Variants in SLIT1 observed in about 807,000 individuals in gnomAD.
SLIT1 encodes the protein slit guidance ligand 1.
Under a neutral mutation model 186.1 loss-of-function variants are expected in SLIT1, and 66 were observed. The ratio of observed to expected loss-of-function variants is 0.35; its 90% CI spans 0.29 to 0.44. The LOEUF (loss-of-function observed/expected upper bound fraction) is 0.44. Among genes scored for constraint, SLIT1 ranks in the 20% least tolerant of loss-of-function variants. The pLI is 1.00. For missense variants in SLIT1, 1,638 were observed against 2,037.4 expected, an observed-to-expected ratio of 0.80 and a Z score of 3.77; for synonymous variants, 761 against 833.8, an observed-to-expected ratio of 0.91 and a Z score of 1.50.
chr10:97,150,760 T>A (rs188141236), intron 4 of SLIT1, among the ~76,000 whole-genome samples: 1 of 152,098 alleles, frequency 6.6e-6, no homozygotes, highest in Non-Finnish European at 1.5e-5. Flanking sequence ...CTCCCCAGAT[T>A]GGAGGCCAAG....
intron 4 of SLIT1, among the ~76,000 whole-genome samples, chr10:97,084,228 T>C (rs933998243): frequency 1.9e-4 from 29 of 152,200 alleles, no homozygotes; most frequent in Middle Eastern, 3.4e-3. Context: ...CTAGAAGGGG[T>C]GGAAATTTTC....
At chr10:97,098,307 C>G (rs1451836803) in intron 4 of SLIT1, among the ~76,000 whole-genome samples, 1 of 152,206 alleles carries the variant, frequency 6.6e-6, no homozygotes, top group Non-Finnish European at 1.5e-5. Context: ...AGTCCTACTG[C>G]TGCTCCCAAC....
chr10:97,036,001 A>T (rs1848635196), intron 22 of SLIT1, among the ~76,000 whole-genome samples: 1 of 151,922 alleles, frequency 6.6e-6, no homozygotes, highest in Non-Finnish European at 1.5e-5. Context: ...CTTATCACCC[A>T]CACGACTTTA....
At position 97,100,589 on chromosome 10, in the gene SLIT1, C is replaced by T. The variant is rs554888360; in HGVS notation, c.414-34503G>A. ...AGGCAGAGGCTGCAGTGAGCCAAGT[C>T]GCATCACTGCACTACAGCCTGGGCA... On this transcript the variant is annotated intron_variant, in intron 4 of 36. Transcript: ENST00000266058. Among the ~76,000 whole-genome samples, 4 of 151,410 alleles carry T rather than the reference C, an allele frequency of 2.6e-5. No individual in the cohort carries two copies. In the East Asian group the frequency reaches 7.8e-4, roughly 29 times the overall value.
chr10:97,062,638 C>T (rs1323048304), intron 8 of SLIT1, among the ~76,000 whole-genome samples: 3 of 152,196 alleles, frequency 2.0e-5, no homozygotes, highest in Non-Finnish European at 4.4e-5. Flanking sequence ...AGCAGGGGAG[C>T]AGCCTGTGAG....
At chr10:97,178,217 C>A in intron 1 of SLIT1, among the ~76,000 whole-genome samples, 1 of 152,168 alleles carries the variant, frequency 6.6e-6, no homozygotes, top group East Asian at 1.9e-4. Flanking sequence ...AGCAGAGAAG[C>A]CTGGCAGACA....
Position 97,004,538 on chromosome 10 carries a change from C to A in SLIT1, c.3710+155G>T, listed in dbSNP as rs992542366. On this transcript the variant is annotated intron_variant, in intron 33 of 36. Coordinates refer to ENST00000266058, the MANE Select transcript of SLIT1 (RefSeq NM_003061.3). The surrounding 1 kb of genome is among the most constrained non-coding windows in gnomAD (Gnocchi z 5.1). Reference sequence around the variant, plus strand: ...GCACAGGCCTCAGAGACCTCAGCCCCAAGCTGGGGCTAACCCAGATGGTTC... The same window carrying A: ...GCACAGGCCTCAGAGACCTCAGCCCAAAGCTGGGGCTAACCCAGATGGTTC... Among the ~76,000 whole-genome samples, 7 of 152,128 alleles carry A rather than the reference C, an allele frequency of 4.6e-5. No homozygotes were observed. Among genetic ancestry groups the A allele is most frequent in the African/African-American group, 1.7e-4 (7 of 41,428 alleles).
intron 35 of SLIT1, 63 bp downstream of exon 35, chr10:97,002,641 C>A: frequency 7.1e-7 from 1 of 1,406,348 alleles, no homozygotes; most frequent in Non-Finnish European, 9.6e-7. Flanking sequence ...TGTGAGGCAG[C>A]CCTTCCCATG....
chr10:97,143,276 A>T (rs760940453), intron 4 of SLIT1, among the ~76,000 whole-genome samples: 1 of 152,240 alleles, frequency 6.6e-6, no homozygotes, highest in Non-Finnish European at 1.5e-5. Context: ...TGGGGTATAC[A>T]TATAATGGCA....
At chr10:97,049,637 T>A (rs117976748) in intron 13 of SLIT1, among the ~76,000 whole-genome samples, 1 of 152,132 alleles carries the variant, frequency 6.6e-6, no homozygotes, top group East Asian at 1.9e-4. Flanking sequence ...CTGTCTCCTA[T>A]AGAGAGGGAT....
intron 4 of SLIT1, among the ~76,000 whole-genome samples, chr10:97,113,187 A>G (rs1021919600): frequency 1.3e-5 from 2 of 152,210 alleles, no homozygotes; most frequent in African/African-American, 4.8e-5. Flanking sequence ...GCCTCTTGCA[A>G]CGTCAAAGGA....
chr10:97,009,385 G>C (rs1848392127), intron 31 of SLIT1, among the ~76,000 whole-genome samples: 1 of 152,106 alleles, frequency 6.6e-6, no homozygotes, highest in Non-Finnish European at 1.5e-5. Flanking sequence ...CCATTCAATT[G>C]GAAAGAATTA....
chr10:97,103,991 T>C (rs975613934), intron 4 of SLIT1, among the ~76,000 whole-genome samples: 5 of 152,190 alleles, frequency 3.3e-5, no homozygotes, highest in Non-Finnish European at 4.4e-5. Context: ...GTGCATCAGG[T>C]GGCCTTGTTC....
Position 97,049,117 on chromosome 10 carries a change from G to A in SLIT1, c.1303C>T (p.His435Tyr). The A allele has an allele frequency of 6.2e-7, 1 of 1,612,404 alleles. No homozygotes were observed. Residue 435 changes from histidine (H) to tyrosine (Y), a missense_variant and splice_region_variant, in exon 14 of 37, where the codon CAC becomes TAC. Physicochemically the swap from His to Tyr is moderately conservative, Grantham distance 83. Around this residue, in one of 3 missense-constraint regions of SLIT1, gnomAD observed 1,245 missense variants for 1,535.3 expected, o/e 0.81. Transcript: ENST00000266058. ...FTSLRAIQTL[H>Y]LAQNPFICDC... is the part of the protein sequence containing the mutation. ...CAAATGAAAGGGTTCTGCGCCAGGTGCCTGTCCAAAGCAGGCAGATCAGCT... is the reference window on the plus strand; with the variant it reads ...CAAATGAAAGGGTTCTGCGCCAGGTACCTGTCCAAAGCAGGCAGATCAGCT...
intron 1 of SLIT1, among the ~76,000 whole-genome samples, chr10:97,173,960 G>C (rs1850224359): frequency 6.6e-6 from 1 of 152,180 alleles, no homozygotes; most frequent in Non-Finnish European, 1.5e-5. Context: ...CAGCAGCAGG[G>C]CTTCCACTCT....
At chr10:97,030,623 C>T in intron 25 of SLIT1, 134 bp downstream of exon 25, 2 of 703,584 alleles carry the variant, frequency 2.8e-6, no homozygotes, top group Non-Finnish European at 2.6e-6. Flanking sequence ...CCAGAAGGTG[C>T]ACGTGGGAAG....
intron 4 of SLIT1, among the ~76,000 whole-genome samples, chr10:97,081,421 C>T (rs889358322): frequency 4.6e-5 from 7 of 152,206 alleles, no homozygotes; most frequent in African/African-American, 1.4e-4. Flanking sequence ...CACTGGGTCC[C>T]TGGGGCATTT....
Position 97,184,018 on chromosome 10 carries a change from CCACACACACACACACACACACA to C in SLIT1, c.197+1438_197+1459del, listed in dbSNP as rs36000443. 7.0e-6 allele frequency among the ~76,000 whole-genome samples: 1 copy of C among 142,476 alleles called. No individual in the cohort carries two copies. Among genetic ancestry groups the C allele is most frequent in the Non-Finnish European group, 1.5e-5 (1 of 65,686 alleles). 93.5% of individuals were successfully genotyped at this position (142,476 alleles called of 152,430 possible). A position where few individuals can be genotyped will look rare whatever the true frequency, so the allele number is the denominator to read the frequency against. On this transcript the variant is annotated intron_variant, in intron 1 of 36. Coordinates refer to ENST00000266058, the MANE Select transcript of SLIT1 (RefSeq NM_003061.3). This position sits in a 1 kb window ranked among gnomAD's most constrained non-coding sequence, Gnocchi z 4.4. Reference sequence around the variant, plus strand: ...ATTCACACACACACATACACATGCACCACACACACACACACACACACACACACACACACACACACACTTCCCA... The same window carrying C: ...ATTCACACACACACATACACATGCACCACACACACACACACACACTTCCCA...
chr10:97,138,878 AG>A (rs2082320645), intron 4 of SLIT1, among the ~76,000 whole-genome samples: 1 of 152,178 alleles, frequency 6.6e-6, no homozygotes, highest in African/African-American at 2.4e-5. Context: ...GGGAACCAGG[AG>A]GGAAAAAGCC....
Sources: gnomAD v4.1 joint callset for allele counts (sites outside exome capture counted in the v4.1 genomes callset) on GRCh38, gnomAD v4.1.1 for gene constraint, gnomAD v4.1.1 regional missense constraint, Gnocchi (gnomAD v3.1) non-coding constraint, MANE v1.5 for transcripts, NCBI Gene and HGNC (gene_info 2026-07-23, HGNC 2026-07-21) for gene names.